Variants in TDRD9 observed in about 807,000 individuals in gnomAD.
TDRD9 encodes ATP-dependent RNA helicase TDRD9.
In TDRD9, 124 loss-of-function variants were observed where a neutral mutation model predicts 172.6. That is an observed-to-expected ratio of 0.72 (90% CI 0.62 to 0.83). The LOEUF (loss-of-function observed/expected upper bound fraction) is 0.83. Ranked by LOEUF, TDRD9 falls within the 40% of genes least tolerant of loss-of-function variation. The pLI is 0.00. For synonymous variants in TDRD9, 619 were observed against 617.1 expected (o/e 1.00, Z -0.05); for missense variants, 1,479 against 1,714.1 (o/e 0.86, Z 2.42).
intron 34 of TDRD9, among the ~76,000 whole-genome samples, chr14:104,047,565 T>G (rs897133732): frequency 6.6e-6 from 1 of 152,234 alleles, no homozygotes; most frequent in African/African-American, 2.4e-5. Context: ...TTCAAATATT[T>G]TTTTCTGCCT....
chr14:103,960,524 T>C (rs1193462013), intron 2 of TDRD9, among the ~76,000 whole-genome samples: 1 of 152,224 alleles, frequency 6.6e-6, no homozygotes, highest in Non-Finnish European at 1.5e-5. Context: ...TGTATGTAGT[T>C]TGTTGATTTG....
chr14:104,050,292 T>C (rs2035902752), intron 35 of TDRD9, among the ~76,000 whole-genome samples: 1 of 152,102 alleles, frequency 6.6e-6, no homozygotes, highest in African/African-American at 2.4e-5. Context: ...TGTGACCTCA[T>C]CTAACCCTTA....
At chr14:103,932,268 C>T (rs559965677) in intron 1 of TDRD9, among the ~76,000 whole-genome samples, 14 of 152,292 alleles carry the variant, frequency 9.2e-5, no homozygotes, top group Admixed American at 9.2e-4. Flanking sequence ...CTGTGAACCC[C>T]GCACGGTGCC....
intron 22 of TDRD9, 60 bp downstream of exon 22, chr14:104,016,148 T>C: frequency 2.6e-6 from 3 of 1,146,138 alleles, no homozygotes; most frequent in Non-Finnish European, 3.8e-6. Context: ...ATTTTTGTTC[T>C]CTAATTGTTT....
intron 9 of TDRD9, among the ~76,000 whole-genome samples, chr14:103,992,793 C>T (rs1287388185): frequency 7.2e-5 from 11 of 151,808 alleles, no homozygotes; most frequent in African/African-American, 1.7e-4. Flanking sequence ...GGCATGGTGG[C>T]GGGCACCTGT....
chr14:104,028,345 C>T (rs2035185721), intron 28 of TDRD9, among the ~76,000 whole-genome samples: 2 of 151,954 alleles, frequency 1.3e-5, no homozygotes, highest in South Asian at 4.1e-4. Context: ...AGCATCCTTA[C>T]CAGCATTTAT....
At chr14:104,004,022 A>G (rs976436210) in intron 13 of TDRD9, among the ~76,000 whole-genome samples, 10 of 152,138 alleles carry the variant, frequency 6.6e-5, no homozygotes, top group Admixed American at 6.5e-4. Flanking sequence ...TATTTATTCT[A>G]ATTTTTTAGG....
At chr14:104,034,410 T>G (rs1276625735) in intron 31 of TDRD9, among the ~76,000 whole-genome samples, 1 of 152,132 alleles carries the variant, frequency 6.6e-6, no homozygotes, top group Non-Finnish European at 1.5e-5. Context: ...CAGGATAGTC[T>G]TGATCTCCTG....
At chr14:103,964,333 CT>C (rs2032640505) in intron 3 of TDRD9, among the ~76,000 whole-genome samples, 1 of 152,172 alleles carries the variant, frequency 6.6e-6, no homozygotes, top group Non-Finnish European at 1.5e-5. Flanking sequence ...AGTAACAGCT[CT>C]TTTTCTCATG....
At chr14:104,011,551 T>G (rs992304531) in intron 20 of TDRD9, among the ~76,000 whole-genome samples, 1 of 152,150 alleles carries the variant, frequency 6.6e-6, no homozygotes, top group Admixed American at 6.6e-5. Context: ...TAAAAAAAAT[T>G]TCAATACCCC....
intron 23 of TDRD9, among the ~76,000 whole-genome samples, chr14:104,020,712 T>G (rs1304214436): frequency 6.6e-6 from 1 of 152,104 alleles, no homozygotes; most frequent in African/African-American, 2.4e-5. Context: ...CTGCTCAAGG[T>G]GTACATTTCC....
At chr14:103,992,890 A>C (rs1419605796) in intron 9 of TDRD9, among the ~76,000 whole-genome samples, 2 of 133,068 alleles carry the variant, frequency 1.5e-5, no homozygotes, top group Non-Finnish European at 3.1e-5. Flanking sequence ...ACGCCACTGC[A>C]CTCCAGCCTG....
chr14:103,937,488 T>C lies in TDRD9; in HGVS notation c.215+8764T>C, dbSNP rs76574368. Among the ~76,000 whole-genome samples, 247 of 152,268 alleles carry C rather than the reference T, an allele frequency of 1.6e-3. 2 individuals carry two copies. The highest frequency in any genetic ancestry group is 5.7e-3 in the African/African-American group (237 of 41,548). ...CCCTCCCCTCCCTTCTTTCCCAGTCTCTCTAGTCTTTTAAACAACTTTTTA... is the reference window on the plus strand; with the variant it reads ...CCCTCCCCTCCCTTCTTTCCCAGTCCCTCTAGTCTTTTAAACAACTTTTTA... On this transcript the variant is annotated intron_variant, in intron 1 of 35. Coordinates refer to ENST00000409874, the MANE Select transcript of TDRD9 (RefSeq NM_153046.3).
rs1402901326 is a variant in TDRD9, at chr14:104,026,058, A to G, written c.2943A>G (p.Val981=). The part of the protein sequence containing the change: ...VSGNSAEVFF[V]DYGNKSHVDL... ...GCTTTATTTTCTAGGTATTCTTTGT[A>G]GATTATGGCAATAAGTCTCATGTAG... Residue 981 remains valine (V), a synonymous_variant, in exon 27 of 36, where the codon GTA becomes GTG. Coordinates refer to ENST00000409874, the MANE Select transcript of TDRD9 (RefSeq NM_153046.3). The G allele has an allele frequency of 6.2e-7, 1 of 1,606,482 alleles. No individual in the cohort carries two copies. The highest frequency in any genetic ancestry group is 2.2e-5 in the East Asian group (1 of 44,844).
intron 14 of TDRD9, 148 bp from the exon 15 acceptor site, chr14:104,005,126 C>T (rs373446916): frequency 6.2e-6 from 4 of 645,130 alleles, no homozygotes; most frequent in African/African-American, 1.8e-5. Flanking sequence ...TCTCCCTTCT[C>T]TTCTCTCCCT....
chr14:104,011,276 C>G (rs2034604391), intron 20 of TDRD9, among the ~76,000 whole-genome samples: 1 of 152,056 alleles, frequency 6.6e-6, no homozygotes, highest in Non-Finnish European at 1.5e-5. Context: ...TTCTGATTGC[C>G]AATATTTTCT....
Position 103,994,534 on chromosome 14 carries a change from A to G in TDRD9, c.1251A>G (p.Pro417=). 1 of 1,613,770 alleles carries G rather than the reference A, an allele frequency of 6.2e-7. No homozygotes were observed. Among genetic ancestry groups the G allele is most frequent in the East Asian group, 2.2e-5 (1 of 44,866 alleles). ...AATTTCTTAGGTTGCAGGTCTATCC[A>G]CTCCATTCAAGTGTGGCTTTAGAAG... is the stretch of plus-strand genomic sequence containing the variant. ...SLVHKRLQVY[P]LHSSVALEEQ... Residue 417 remains proline, a synonymous_variant, in exon 11 of 36, where the codon CCA becomes CCG. Transcript: ENST00000409874.
At chr14:103,998,427 T>C (rs2034133348) in intron 12 of TDRD9, among the ~76,000 whole-genome samples, 197 bp from the exon 13 acceptor site, 1 of 152,166 alleles carries the variant, frequency 6.6e-6, no homozygotes. Flanking sequence ...AGAGACTCCC[T>C]GTACTCAGCA....
intron 19 of TDRD9, among the ~76,000 whole-genome samples, chr14:104,007,424 A>T (rs1000094455): frequency 8.5e-5 from 13 of 152,138 alleles, no homozygotes; most frequent in African/African-American, 2.7e-4. Context: ...GCTTGCTCTC[A>T]GGCCTGTGCT....
Sources: gnomAD v4.1 joint callset for allele counts (sites outside exome capture counted in the v4.1 genomes callset) on GRCh38, gnomAD v4.1.1 for gene constraint, MANE v1.5 for transcripts, NCBI Gene and HGNC (gene_info 2026-07-23, HGNC 2026-07-21) for gene names.